TMEFF2: variants seen among roughly 807,000 people sequenced by gnomAD.
TMEFF2 encodes the protein transmembrane protein with EGF like and two follistatin like domains 2.
TMEFF2 carries 28 observed loss-of-function variants against 53.8 expected under a neutral mutation model. The ratio of observed to expected loss-of-function variants is 0.52; its 90% CI spans 0.39 to 0.71. The LOEUF (loss-of-function observed/expected upper bound fraction) is 0.71, where lower values mean the gene tolerates loss of function less well. TMEFF2 is among the 30% of genes least tolerant of loss of function. TMEFF2 has a pLI of 0.00. For synonymous variants in TMEFF2, 162 were observed against 166.3 expected, an observed-to-expected ratio of 0.97 and a Z score of 0.20; for missense variants, 353 against 455.2, an observed-to-expected ratio of 0.78 and a Z score of 2.04.
At chr2:192,132,223 G>A (rs1689856367) in intron 4 of TMEFF2, among the ~76,000 whole-genome samples, 1 of 152,024 alleles carries the variant, frequency 6.6e-6, no homozygotes, top group South Asian at 2.1e-4. Context: ...TCTGTGACTA[G>A]CCCTCCCCCA....
chr2:192,038,192 T>C (rs1687379064), intron 5 of TMEFF2: 1 of 152,226 alleles, frequency 6.6e-6, no homozygotes, highest in South Asian at 2.1e-4. Context: ...AGAGCACATT[T>C]GGAAAGAATG....
intron 5 of TMEFF2, chr2:192,021,835 CG>C (rs1334248014): frequency 6.6e-6 from 1 of 152,004 alleles, no homozygotes; most frequent in Non-Finnish European, 1.5e-5. Flanking sequence ...TCTTCGGATA[CG>C]AAAAAAGCAA....
At chr2:192,015,570 A>T (rs1437559409) in intron 5 of TMEFF2, among the ~76,000 whole-genome samples, 1 of 152,144 alleles carries the variant, frequency 6.6e-6, no homozygotes, top group Non-Finnish European at 1.5e-5. Flanking sequence ...AATATAATAC[A>T]CTTTGAAGTA....
intron 4 of TMEFF2, among the ~76,000 whole-genome samples, chr2:192,176,514 G>A (rs1391588520): frequency 6.6e-6 from 1 of 151,198 alleles, no homozygotes; most frequent in East Asian, 1.9e-4. Context: ...ATTTCCTTTA[G>A]GAGAGAATGC....
chr2:192,085,461 G>T (rs1172018271), intron 4 of TMEFF2, among the ~76,000 whole-genome samples: 1 of 152,116 alleles, frequency 6.6e-6, no homozygotes, highest in Non-Finnish European at 1.5e-5. Context: ...CTCACTGTGG[G>T]TTATTTAAAT....
intron 5 of TMEFF2, among the ~76,000 whole-genome samples, chr2:192,023,692 ATCT>A (rs2105863578): frequency 6.6e-6 from 1 of 151,878 alleles, no homozygotes; most frequent in African/African-American, 2.4e-5. Flanking sequence ...CTGTTTGTTT[ATCT>A]TCTATCTATG....
chr2:192,080,898 T>G (rs1688536451), intron 4 of TMEFF2, among the ~76,000 whole-genome samples: 1 of 152,168 alleles, frequency 6.6e-6, no homozygotes, highest in Admixed American at 6.6e-5. Context: ...TATATGTAAT[T>G]CTGTGTGATA....
At chr2:191,969,611 G>C (rs535179166) in intron 7 of TMEFF2, among the ~76,000 whole-genome samples, 1 of 152,280 alleles carries the variant, frequency 6.6e-6, no homozygotes, top group African/African-American at 2.4e-5. Context: ...AGCAAATGTT[G>C]ATGGGTTTGT....
intron 4 of TMEFF2, among the ~76,000 whole-genome samples, chr2:192,143,372 G>A (rs1045603257): frequency 2.6e-5 from 4 of 151,928 alleles, no homozygotes; most frequent in African/African-American, 7.3e-5. Context: ...TGGTGTATGC[G>A]GGCTATTGCA....
Position 192,188,216 on chromosome 2 carries a change from G to A in TMEFF2, c.282+3664C>T, listed in dbSNP as rs1176418436. ...AAAATTATGATTTTAAGAGCGGACA[G>A]GCCTGTGACTATGGTGGAAATGACT... On this transcript the variant is annotated intron_variant, in intron 2 of 9. Coordinates refer to ENST00000272771, the MANE Select transcript of TMEFF2 (RefSeq NM_016192.4). Among the ~76,000 whole-genome samples, 5 of 152,322 alleles carry A rather than the reference G, an allele frequency of 3.3e-5. No homozygotes were observed. In the East Asian group the frequency reaches 9.6e-4, roughly 29 times the overall value.
Position 191,949,592 on chromosome 2 carries a change from A to C in TMEFF2, c.*719T>G. The C allele has an allele frequency of 3.0e-6, 3 of 985,414 alleles. No homozygotes were observed. The highest frequency in any genetic ancestry group is 2.4e-6 in the Non-Finnish European group (2 of 829,920). 61.0% of individuals were successfully genotyped at this position (985,414 alleles called of 1,614,324 possible). Reference sequence around the variant, plus strand: ...TGTAACTTGTTCAGTAAGTTCAGATATATGCACTTAACTGGGGGATTCTAA... The same window carrying C: ...TGTAACTTGTTCAGTAAGTTCAGATCTATGCACTTAACTGGGGGATTCTAA... On this transcript the variant is annotated 3_prime_UTR_variant, in exon 10 of 10. Coordinates refer to ENST00000272771, the MANE Select transcript of TMEFF2 (RefSeq NM_016192.4).
chr2:192,109,089 G>C (rs1171896224), intron 4 of TMEFF2, among the ~76,000 whole-genome samples: 1 of 151,978 alleles, frequency 6.6e-6, no homozygotes. Flanking sequence ...CTGGAAATAA[G>C]TAGTGGTAAT....
At chr2:192,109,084 A>C (rs1375051281) in intron 4 of TMEFF2, among the ~76,000 whole-genome samples, 1 of 152,058 alleles carries the variant, frequency 6.6e-6, no homozygotes, top group Non-Finnish European at 1.5e-5. Context: ...AAGTTCTGGA[A>C]ATAAGTAGTG....
intron 4 of TMEFF2, among the ~76,000 whole-genome samples, chr2:192,103,370 C>A (rs890466721): frequency 1.3e-5 from 2 of 152,112 alleles, no homozygotes; most frequent in Non-Finnish European, 2.9e-5. Context: ...GTTCACACCT[C>A]TGCTTGGATT....
rs189016113 is a variant in TMEFF2, at chr2:192,189,044, G to C, written c.282+2836C>G. 4.1e-3 allele frequency among the ~76,000 whole-genome samples: 622 copies of C among 152,148 alleles called. 2 individuals are homozygous for C. The highest frequency in any genetic ancestry group is 6.8e-3 in the Non-Finnish European group (459 of 67,994). On this transcript the variant is annotated intron_variant, in intron 2 of 9. Transcript: ENST00000272771. The stretch of plus-strand genomic sequence containing the variant: ...TAAAATAAAAGTTTAAAAAAGGGGG[G>C]AGAAAACAATTATCTCACCGGGTTG...
At chr2:192,064,631 TTA>T (rs1688126854) in intron 4 of TMEFF2, among the ~76,000 whole-genome samples, 1 of 151,826 alleles carries the variant, frequency 6.6e-6, no homozygotes, top group Admixed American at 6.6e-5. Flanking sequence ...GATAAAAGGA[TTA>T]TATGTTTCTT....
chr2:192,084,806 G>A (rs994278608), intron 4 of TMEFF2, among the ~76,000 whole-genome samples: 1 of 152,148 alleles, frequency 6.6e-6, no homozygotes, highest in African/African-American at 2.4e-5. Context: ...GGTTGATTGT[G>A]TTCTTTTTCA....
intron 7 of TMEFF2, among the ~76,000 whole-genome samples, chr2:191,974,404 TG>T (rs1396458659): frequency 1.3e-5 from 2 of 152,050 alleles, no homozygotes; most frequent in East Asian, 3.9e-4. Context: ...ATGAAGAATG[TG>T]GTTTTTTTTT....
intron 4 of TMEFF2, among the ~76,000 whole-genome samples, chr2:192,132,835 G>A (rs1195504230): frequency 6.6e-6 from 1 of 152,162 alleles, no homozygotes; most frequent in Non-Finnish European, 1.5e-5. Context: ...AGAGCCCCTG[G>A]AATTCTGGCC....
Sources: gnomAD v4.1 joint callset for allele counts (sites outside exome capture counted in the v4.1 genomes callset) on GRCh38, gnomAD v4.1.1 for gene constraint, MANE v1.5 for transcripts, NCBI Gene and HGNC (gene_info 2026-07-23, HGNC 2026-07-21) for gene names.